The following PBX3 variants were observed in gnomAD, a reference collection of about 807,000 sequenced individuals.
The protein encoded by PBX3 is pre-B-cell leukemia transcription factor 3.
Under a neutral mutation model 48.5 loss-of-function variants are expected in PBX3, and 14 were observed. The ratio of observed to expected loss-of-function variants is 0.29; its 90% CI spans 0.19 to 0.45. The LOEUF (loss-of-function observed/expected upper bound fraction) is 0.45. PBX3 is among the 20% of genes least tolerant of loss of function. The pLI is 1.00. For missense variants in PBX3, 386 were observed against 546.7 expected, an observed-to-expected ratio of 0.71 and a Z score of 2.93; for synonymous variants, 210 against 200.3, an observed-to-expected ratio of 1.05 and a Z score of -0.41.
intron 2 of PBX3, among the ~76,000 whole-genome samples, chr9:125,796,242 C>T (rs971404101): frequency 1.3e-5 from 2 of 152,170 alleles, no homozygotes; most frequent in Non-Finnish European, 2.9e-5. Context: ...GGTGTTTTAG[C>T]TTTACTGATG....
chr9:125,928,420 GTGTT>G (rs1353878865), intron 3 of PBX3, among the ~76,000 whole-genome samples: 38 of 146,566 alleles, frequency 2.6e-4, no homozygotes, highest in African/African-American at 1.0e-3. Flanking sequence ...GTGTGTGTGT[GTGTT>G]TTTGTGTATG....
intron 3 of PBX3, among the ~76,000 whole-genome samples, chr9:125,924,955 G>C (rs1841540183): frequency 6.6e-6 from 1 of 152,180 alleles, no homozygotes. Context: ...TAAAAATGAT[G>C]TTCCATGAAG....
intron 2 of PBX3, among the ~76,000 whole-genome samples, chr9:125,804,601 A>G (rs533250593): frequency 6.6e-6 from 1 of 152,312 alleles, no homozygotes; most frequent in East Asian, 1.9e-4. Flanking sequence ...AATATTTGAT[A>G]CAAATTATGT....
chr9:125,949,715 G>C (rs1842146975), intron 5 of PBX3, among the ~76,000 whole-genome samples: 1 of 152,208 alleles, frequency 6.6e-6, no homozygotes, highest in African/African-American at 2.4e-5. Flanking sequence ...GTAAGGAGTA[G>C]TGGTTGAATA....
intron 2 of PBX3, among the ~76,000 whole-genome samples, chr9:125,870,839 A>AT (rs1840104504): frequency 6.6e-6 from 1 of 152,204 alleles, no homozygotes; most frequent in Non-Finnish European, 1.5e-5. Context: ...CATTGTTTAT[A>AT]TACCAAATTG....
chr9:125,783,750 G>A (rs1837385112), intron 2 of PBX3, among the ~76,000 whole-genome samples: 1 of 152,098 alleles, frequency 6.6e-6, no homozygotes, highest in Non-Finnish European at 1.5e-5. Context: ...TGTAATCCCA[G>A]CACTTTGAGA....
chr9:125,958,162 T>C (rs1842348884), intron 5 of PBX3, among the ~76,000 whole-genome samples: 1 of 152,142 alleles, frequency 6.6e-6, no homozygotes. Context: ...TCCATCCTGC[T>C]CAAGGCCTGG....
At chr9:125,839,297 C>A (rs1278947117) in intron 2 of PBX3, among the ~76,000 whole-genome samples, 1 of 152,176 alleles carries the variant, frequency 6.6e-6, no homozygotes, top group African/African-American at 2.4e-5. Context: ...CCAGTTAAAT[C>A]TCATTCATTG....
intron 1 of PBX3, 144 bp from the exon 2 acceptor site, chr9:125,748,406 G>C: frequency 7.0e-7 from 1 of 1,425,554 alleles, no homozygotes; most frequent in Middle Eastern, 1.9e-4. Context: ...CTAGTCAACT[G>C]GAGTTTTTGT....
intron 2 of PBX3, among the ~76,000 whole-genome samples, chr9:125,855,745 C>CT (rs1839703572): frequency 6.6e-6 from 1 of 152,116 alleles, no homozygotes; most frequent in Admixed American, 6.6e-5. Flanking sequence ...GCAATAAAGT[C>CT]TAATAGAAAG....
At chr9:125,829,124 G>T (rs905882858) in intron 2 of PBX3, among the ~76,000 whole-genome samples, 1 of 152,124 alleles carries the variant, frequency 6.6e-6, no homozygotes, top group Non-Finnish European at 1.5e-5. Context: ...TGTAGAAAGT[G>T]CAACTTTATC....
chr9:125,777,963 C>CT (rs574844395), intron 2 of PBX3, among the ~76,000 whole-genome samples: 5,376 of 137,832 alleles, frequency 0.039, 338 homozygotes, highest in African/African-American at 0.13. Flanking sequence ...CAAATCTTCT[C>CT]TTTTTTTTTT....
At chr9:125,877,443 C>T (rs1840281450) in intron 2 of PBX3, among the ~76,000 whole-genome samples, 2 of 152,150 alleles carry the variant, frequency 1.3e-5, no homozygotes, top group African/African-American at 2.4e-5. Flanking sequence ...TTCTGTCACA[C>T]CAGATGGCAT....
intron 2 of PBX3, among the ~76,000 whole-genome samples, chr9:125,841,571 C>A (rs922626873): frequency 6.6e-6 from 1 of 152,136 alleles, no homozygotes; most frequent in African/African-American, 2.4e-5. Context: ...TGTTGTCTTA[C>A]CCCAGTTTAT....
At chr9:125,935,867 A>G (rs890624881) in intron 5 of PBX3, among the ~76,000 whole-genome samples, 9 of 152,340 alleles carry the variant, frequency 5.9e-5, no homozygotes, top group Admixed American at 2.0e-4. Context: ...TAAACATGCC[A>G]TGGGGAGAGA....
At chr9:125,800,093 T>TA (rs1446156459) in intron 2 of PBX3, among the ~76,000 whole-genome samples, 2 of 152,210 alleles carry the variant, frequency 1.3e-5, no homozygotes, top group African/African-American at 4.8e-5. Flanking sequence ...TTATAATAAA[T>TA]AGACCATCAG....
At chr9:125,769,151 G>A (rs539778609) in intron 2 of PBX3, among the ~76,000 whole-genome samples, 72 of 152,268 alleles carry the variant, frequency 4.7e-4, no homozygotes, top group African/African-American at 1.6e-3. Flanking sequence ...ACATTGTGAA[G>A]TGAAACTGGC....
intron 2 of PBX3, among the ~76,000 whole-genome samples, chr9:125,754,482 C>G (rs533963284): frequency 3.9e-5 from 6 of 152,076 alleles, no homozygotes; most frequent in Admixed American, 3.3e-4. Flanking sequence ...TGAAGTTAAT[C>G]AGACAAATTG....
Position 125,947,719 on chromosome 9 carries a change from CTAAG to C in PBX3, c.843+12116_843+12119del, listed in dbSNP as rs569443659. Among the ~76,000 whole-genome samples the C allele has an allele frequency of 4.8e-4, 73 of 152,090 alleles. 1 individual carries two copies. In the South Asian group the frequency reaches 0.015, roughly 32 times the overall value. On this transcript the variant is annotated intron_variant, in intron 5 of 8. Transcript: ENST00000373489. The stretch of plus-strand genomic sequence containing the variant: ...CATTAAAGTAAATGAATTTAATACT[CTAAG>C]TAATAGAGTCAGGATTTACAAATGA...
Sources: allele counts gnomAD v4.1 joint callset (sites outside exome capture counted in the v4.1 genomes callset), GRCh38; gene constraint gnomAD v4.1.1; transcripts MANE v1.5; gene names NCBI Gene and HGNC (gene_info 2026-07-23, HGNC 2026-07-21).